Variants in ZNF217 observed in about 807,000 individuals in gnomAD.
The protein encoded by ZNF217 is zinc finger protein 217.
ZNF217 carries 12 observed loss-of-function variants against 73.3 expected under a neutral mutation model. That is an observed-to-expected ratio of 0.16 (90% CI 0.10 to 0.27). ZNF217 has a LOEUF of 0.27. ZNF217 is among the 10% of genes least tolerant of loss of function. The probability of loss-of-function intolerance (pLI) is 1.00; values close to 1 mark genes in which losing one functional copy is unlikely to be tolerated. For synonymous variants in ZNF217, 588 were observed against 516.4 expected, an observed-to-expected ratio of 1.14 and a Z score of -1.88; for missense variants, 1,195 against 1,327.8, an observed-to-expected ratio of 0.90 and a Z score of 1.55.
chr20:53,582,038 C>T lies in ZNF217; in HGVS notation c.789G>A (p.Glu263=), dbSNP rs1349059224. The T allele has an allele frequency of 1.9e-6, 3 of 1,614,106 alleles. No homozygotes were observed. The highest frequency in any genetic ancestry group is 8.5e-7 in the Non-Finnish European group (1 of 1,180,052). ...TCAAGTTGAACAACTGCAGGAAGTC[C>T]TCCCTCGAGGACGGCATTCCTCCTT... ...SPQGGMPSSR[E]DFLQLFNLRP... is the part of the protein sequence containing the mutation. The change falls in exon 2 of 6, where the codon GAG becomes GAA. Residue 263 remains glutamate, a synonymous_variant. Coordinates refer to ENST00000371471, the MANE Select transcript of ZNF217 (RefSeq NM_006526.3). This position sits in a 1 kb window ranked among gnomAD's most constrained non-coding sequence, Gnocchi z 4.8.
upstream of ZNF217, among the ~76,000 whole-genome samples, chr20:53,597,279 A>C (rs1989058989): frequency 6.6e-6 from 1 of 152,184 alleles, no homozygotes; most frequent in Non-Finnish European, 1.5e-5. Flanking sequence ...CCTGGAGCTG[A>C]AACAGAGCCA....
upstream of ZNF217, among the ~76,000 whole-genome samples, chr20:53,594,298 G>GC (rs1204324320): frequency 4.0e-5 from 6 of 150,898 alleles, no homozygotes; most frequent in African/African-American, 1.2e-4. Flanking sequence ...CCCTCCCTCG[G>GC]CCCCGCCGCT....
rs1488894032 is a variant in ZNF217 at position 53,576,791 on chromosome 20, T to A, written c.1973A>T (p.Asn658Ile). 1.2e-6 allele frequency: 2 copies of A among 1,614,082 alleles called. No individual in the cohort carries two copies. Among genetic ancestry groups the A allele is most frequent in the Non-Finnish European group, 1.7e-6 (2 of 1,180,036 alleles). Residue 658 changes from asparagine to isoleucine, a missense_variant, in exon 4 of 6, where the codon AAC becomes ATC. Physicochemically the swap from Asn to Ile is moderately radical, Grantham distance 149. Transcript: ENST00000371471. ...CTTCTCTTTGGGGCTAACTTCAAGGTTATGGGTGGTACTGCCATCCGGAGG... is the reference window on the plus strand; with the variant it reads ...CTTCTCTTTGGGGCTAACTTCAAGGATATGGGTGGTACTGCCATCCGGAGG... ...TPPPDGSTTH[N>I]LEVSPKEKQT...
chr20:53,593,474 G>A (rs1988955639), intron 1 of ZNF217, among the ~76,000 whole-genome samples: 1 of 151,688 alleles, frequency 6.6e-6, no homozygotes, highest in South Asian at 2.1e-4. Flanking sequence ...GAGATTCAGG[G>A]AACCCCGCAC....
Position 53,581,720 on chromosome 20 carries a change from A to C in ZNF217, c.1107T>G (p.Ser369Arg). 1 of 1,614,158 alleles carries C rather than the reference A, an allele frequency of 6.2e-7. No individual in the cohort carries two copies. The highest frequency in any genetic ancestry group is 8.5e-7 in the Non-Finnish European group (1 of 1,180,024). Residue 369 changes from serine (S) to arginine (R), a missense_variant, in exon 2 of 6, where the codon AGT becomes AGG. Transcript: ENST00000371471. The surrounding 1 kb of genome is among the most constrained non-coding windows in gnomAD (Gnocchi z 4.9). ...PSVDADPKLP[S>R]SKEKPTHCSE... ...AGCAGTGAGTGGGCTTCTCCTTGCT[A>C]CTGGGTAACTTGGGATCCGCGTCCA... is the stretch of plus-strand genomic sequence containing the variant.
In ZNF217 at chr20:53,581,803, C is replaced by A; in HGVS notation, c.1024G>T (p.Ala342Ser). ...ELGETNKGSCAGLSQEKEKCK... is the reference protein window; with the variant it reads ...ELGETNKGSCSGLSQEKEKCK... ...TTCTCTTTCTCTTGCGAGAGGCCTG[C>A]ACAACTGCCCTTATTTGTTTCTCCA... Residue 342 changes from alanine to serine, a missense_variant, in exon 2 of 6, where the codon GCA becomes TCA. By Grantham distance (99) the Ala-to-Ser change is moderately conservative (BLOSUM62 1). Coordinates refer to ENST00000371471, the MANE Select transcript of ZNF217 (RefSeq NM_006526.3). The surrounding 1 kb of genome is among the most constrained non-coding windows in gnomAD (Gnocchi z 4.9). 1.9e-6 allele frequency: 3 copies of A among 1,614,250 alleles called. No individual in the cohort carries two copies. Among genetic ancestry groups the A allele is most frequent in the Non-Finnish European group, 1.7e-6 (2 of 1,180,036 alleles).
chr20:53,597,372 A>G (rs1348738994), upstream of ZNF217, among the ~76,000 whole-genome samples: 1 of 152,174 alleles, frequency 6.6e-6, no homozygotes, highest in Non-Finnish European at 1.5e-5. Flanking sequence ...CAGGAAAAGA[A>G]CATGAAAAAG....
At chr20:53,597,295 G>GA (rs1250005442), upstream of ZNF217, among the ~76,000 whole-genome samples, 9 of 152,082 alleles carry the variant, frequency 5.9e-5, no homozygotes, top group Non-Finnish European at 7.4e-5. Context: ...AGCCAACATA[G>GA]ATACGGGACG....
chr20:53,583,416 G>A lies in ZNF217; in HGVS notation c.-342-248C>T, dbSNP rs377548445. On this transcript the variant is annotated intron_variant, in intron 1 of 5. Coordinates refer to ENST00000371471, the MANE Select transcript of ZNF217 (RefSeq NM_006526.3). ...ATCCAGTTTAAATCAGTGCTTTACC[G>A]ACTTAAATCTAAAATGTCAAGTTTT... Among the ~76,000 whole-genome samples the A allele has an allele frequency of 4.5e-3, 687 of 152,236 alleles. 1 individual carries two copies. The highest frequency in any genetic ancestry group is 7.4e-3 in the Non-Finnish European group (504 of 68,016).
At chr20:53,590,285 A>C (rs1988833562) in intron 1 of ZNF217, among the ~76,000 whole-genome samples, 1 of 152,206 alleles carries the variant, frequency 6.6e-6, no homozygotes. Context: ...TCATTCATTA[A>C]ACATTCCGCT....
At chr20:53,571,129 G>A (rs1987979941) in intron 5 of ZNF217, among the ~76,000 whole-genome samples, 1 of 152,146 alleles carries the variant, frequency 6.6e-6, no homozygotes, top group Admixed American at 6.5e-5. Context: ...TGAAAAGCTA[G>A]TTTGCTCATC....
In ZNF217 at chr20:53,576,243, T is replaced by C. The variant is rs555396674; in HGVS notation, c.2521A>G (p.Met841Val). 55 of 1,614,114 alleles carry C rather than the reference T, an allele frequency of 3.4e-5. No individual in the cohort carries two copies. Among genetic ancestry groups the C allele is most frequent in the African/African-American group, 9.3e-5 (7 of 74,936 alleles). ...GAATRQQQSE[M>V]FPKTSVSPAP... Reference sequence around the variant, plus strand: ...GGGGAAACACTGGTTTTAGGAAACATCTCAGATTGCTGTTGCCTGGTGGCG... The same window carrying C: ...GGGGAAACACTGGTTTTAGGAAACACCTCAGATTGCTGTTGCCTGGTGGCG... The change falls in exon 4 of 6, where the codon ATG (methionine) becomes GTG (valine). Residue 841 changes from methionine to valine, a missense_variant. Met to Val is a conservative substitution (Grantham distance 21, BLOSUM62 1). Around this residue, in one of 9 missense-constraint regions of ZNF217, gnomAD observed 649 missense variants for 642.8 expected, o/e 1.01. Coordinates refer to ENST00000371471, the MANE Select transcript of ZNF217 (RefSeq NM_006526.3).
intron 1 of ZNF217, 83 bp from the exon 2 acceptor site, chr20:53,583,251 C>T (rs971639279): frequency 2.0e-5 from 8 of 400,928 alleles, no homozygotes; most frequent in Non-Finnish European, 3.1e-5. Flanking sequence ...GTCTTTTCCA[C>T]GCAGCAGAGA....
Position 53,582,895 on chromosome 20 carries a change from C to T in ZNF217, c.-69G>A. 5 of 1,491,856 alleles carry T rather than the reference C, an allele frequency of 3.4e-6. No individual in the cohort carries two copies. Among genetic ancestry groups the T allele is most frequent in the Non-Finnish European group, 4.5e-6 (5 of 1,107,720 alleles). 92.4% of individuals were successfully genotyped at this position (1,491,856 alleles called of 1,614,324 possible). On this transcript the variant is annotated 5_prime_UTR_variant, in exon 2 of 6. The change creates a new upstream start codon in the 5' untranslated region. Transcript: ENST00000371471. The surrounding 1 kb of genome is among the most constrained non-coding windows in gnomAD (Gnocchi z 4.8). ...GGCCACTTGTAAGACTTGTCACTCA[C>T]CCCTCTAACAGCCCTGGGTTCCAAA...
chr20:53,596,666 G>A (rs954853513), upstream of ZNF217, among the ~76,000 whole-genome samples: 1 of 152,132 alleles, frequency 6.6e-6, no homozygotes, highest in African/African-American at 2.4e-5. Context: ...AACTCATACT[G>A]CACAAAGTGA....
upstream of ZNF217, among the ~76,000 whole-genome samples, chr20:53,596,165 C>T (rs1255298431): frequency 1.3e-5 from 2 of 151,864 alleles, no homozygotes; most frequent in African/African-American, 4.8e-5. Context: ...TGCTTGTTTT[C>T]CCCCTGTGCC....
In ZNF217 at chr20:53,576,223, A is replaced by C. The variant is rs779711940; in HGVS notation, c.2541T>G (p.Val847=). The stretch of plus-strand genomic sequence containing the variant: ...TTTTTGTCTTATCCGGTGCAGGGGA[A>C]ACACTGGTTTTAGGAAACATCTCAG... ...QQSEMFPKTS[V]SPAPDKTKRP... is the part of the protein sequence containing the mutation. Residue 847 remains valine, a synonymous_variant, in exon 4 of 6, where the codon GTT becomes GTG. Transcript: ENST00000371471. 2 of 1,614,180 alleles carry C rather than the reference A, an allele frequency of 1.2e-6. No homozygotes were observed. Among genetic ancestry groups the C allele is most frequent in the South Asian group, 1.1e-5 (1 of 91,082 alleles).
At chr20:53,586,848 G>A (rs2145971486) in intron 1 of ZNF217, among the ~76,000 whole-genome samples, 1 of 152,318 alleles carries the variant, frequency 6.6e-6, no homozygotes, top group South Asian at 2.1e-4. Flanking sequence ...GAAGGCAGCA[G>A]TAAACCGATG....
rs1409216321 is a variant in ZNF217 at position 53,582,045 on chromosome 20, G to A, written c.782C>T (p.Ser261Leu). 13 of 1,614,092 alleles carry A rather than the reference G, an allele frequency of 8.1e-6. No individual in the cohort carries two copies. Among genetic ancestry groups the A allele is most frequent in the Middle Eastern group, 1.6e-4 (1 of 6,084 alleles). ...GAACAACTGCAGGAAGTCCTCCCTC[G>A]AGGACGGCATTCCTCCTTGTGGAGA... ...TDSPQGGMPS[S>L]REDFLQLFNL... Residue 261 changes from serine to leucine, a missense_variant, in exon 2 of 6, where the codon TCG becomes TTG. Ser to Leu is a moderately radical substitution (Grantham distance 145). Transcript: ENST00000371471. The surrounding 1 kb of genome is among the most constrained non-coding windows in gnomAD (Gnocchi z 4.8).
Sources: allele counts gnomAD v4.1 joint callset (sites outside exome capture counted in the v4.1 genomes callset), GRCh38; gene constraint gnomAD v4.1.1; regional missense constraint gnomAD v4.1.1; non-coding constraint Gnocchi (gnomAD v3.1); transcripts MANE v1.5; gene names NCBI Gene and HGNC (gene_info 2026-07-23, HGNC 2026-07-21).